RUVBL1: variants seen among roughly 807,000 people sequenced by gnomAD.
RUVBL1 encodes the protein ruvB-like 1.
Under a neutral mutation model 52.4 loss-of-function variants are expected in RUVBL1, and 4 were observed. That is an observed-to-expected ratio of 0.08 (90% CI 0.04 to 0.17). RUVBL1 has a LOEUF of 0.17. RUVBL1 is among the 10% of genes least tolerant of loss of function. RUVBL1 has a pLI of 1.00. For missense variants in RUVBL1, 298 were observed against 572.8 expected (o/e 0.52, Z 4.90); for synonymous variants, 217 against 214.4 (o/e 1.01, Z -0.10).
intron 9 of RUVBL1, chr3:128,071,261 C>A (rs1942159454): frequency 6.6e-6 from 1 of 152,520 alleles, no homozygotes; most frequent in Non-Finnish European, 1.5e-5. Context: ...GGGCTTACCA[C>A]CCTATCACAC....
In RUVBL1 at chr3:128,153,143, A is replaced by T; in HGVS notation, c.-40+60T>A. 4 of 962,684 alleles carry T rather than the reference A, an allele frequency of 4.2e-6. No individual in the cohort carries two copies. The South Asian group carries it at 1.2e-4, about 29-fold the overall frequency. The allele number at this position is 962,684 out of a possible 1,614,324, so 59.6% of individuals were successfully genotyped here. A position where few individuals can be genotyped will look rare whatever the true frequency, so the allele number is the denominator to read the frequency against. On this transcript the variant is annotated intron_variant, in intron 1 of 9. Transcript: ENST00000464873. Reference sequence around the variant, plus strand: ...GATTGGTGCGTTTTACAGAGCGCTGATTGGTGCATTTTACAATCCTCTTGA... The same window carrying T: ...GATTGGTGCGTTTTACAGAGCGCTGTTTGGTGCATTTTACAATCCTCTTGA...
intron 9 of RUVBL1, among the ~76,000 whole-genome samples, chr3:128,066,129 G>C (rs1216132490): frequency 6.6e-6 from 1 of 152,092 alleles, no homozygotes; most frequent in Non-Finnish European, 1.5e-5. Flanking sequence ...CTAGTCTCCA[G>C]GGGTTTCAGA....
chr3:128,100,481 G>A (rs757108095), intron 6 of RUVBL1, 114 bp downstream of exon 6: 6 of 1,292,764 alleles, frequency 4.6e-6, no homozygotes, highest in Non-Finnish European at 6.3e-6. Flanking sequence ...ATTACAGATA[G>A]AAAAGGACCG....
At chr3:128,126,201 TTGTGTGTGTGTG>T (rs10576695), upstream of RUVBL1, among the ~76,000 whole-genome samples, 20,685 of 147,562 alleles carry the variant, frequency 0.14, 1,612 homozygotes, top group African/African-American at 0.21. Flanking sequence ...AGTTGTTCCT[TTGTGTGTGTGTG>T]TGTGTGTGTG....
chr3:128,086,131 G>A (rs1942639079), intron 9 of RUVBL1, among the ~76,000 whole-genome samples: 1 of 151,966 alleles, frequency 6.6e-6, no homozygotes, highest in Non-Finnish European at 1.5e-5. Context: ...CAAGTAGCTG[G>A]GACTACAGGC....
At chr3:128,153,320 C>G (rs1944283623) in exon 1 of RUVBL1, 9 of 1,371,900 alleles carry the variant, frequency 6.6e-6, no homozygotes, top group Admixed American at 3.8e-5. Flanking sequence ...CCTCCAGTTC[C>G]TAGACCACCC....
chr3:128,094,577 G>A (rs1942926212), intron 8 of RUVBL1, among the ~76,000 whole-genome samples: 1 of 152,182 alleles, frequency 6.6e-6, no homozygotes, highest in Non-Finnish European at 1.5e-5. Flanking sequence ...AGGTTCCAGT[G>A]GCAACACTTT....
chr3:128,077,018 G>A (rs1254539499), downstream of RUVBL1, among the ~76,000 whole-genome samples: 1 of 151,516 alleles, frequency 6.6e-6, no homozygotes, highest in Non-Finnish European at 1.5e-5. Flanking sequence ...GCGCCCATCG[G>A]CCCATCTTAT....
rs1238513079 is a variant in RUVBL1 at position 128,082,468 on chromosome 3, A to C, written c.1211+15T>G. On this transcript the variant is annotated intron_variant, in intron 10 of 10. Transcript: ENST00000322623. The surrounding 1 kb of genome is among the most constrained non-coding windows in gnomAD (Gnocchi z 4.7). ...GTGCTGGGGAGGCCCCGGCGGGCCC[A>C]GGGTACCAGCTCACCTCAGTGTGGT... The C allele has an allele frequency of 6.2e-7, 1 of 1,608,288 alleles. No homozygotes were observed. The highest frequency in any genetic ancestry group is 1.8e-4 in the Middle Eastern group (1 of 5,528).
At chr3:128,116,853 T>A (rs1275205425) in intron 2 of RUVBL1, among the ~76,000 whole-genome samples, 3 of 152,208 alleles carry the variant, frequency 2.0e-5, no homozygotes, top group Non-Finnish European at 4.4e-5. Flanking sequence ...GACACCATTC[T>A]CTCCCTGGCT....
chr3:128,152,633 C>G (rs1944239791), intron 1 of RUVBL1, among the ~76,000 whole-genome samples: 1 of 152,152 alleles, frequency 6.6e-6, no homozygotes, highest in Non-Finnish European at 1.5e-5. Context: ...TAAGATCTTG[C>G]TGAAATGTAT....
rs578008114 is a variant in RUVBL1, at chr3:128,135,294, A to G, written c.-39-15880T>C. Among the ~76,000 whole-genome samples the G allele has an allele frequency of 8.5e-5, 13 of 152,370 alleles. No homozygotes were observed. The East Asian group carries it at 2.1e-3, about 25-fold the overall frequency. ...ATGCCTGTAATCCCAGCACTTTGGG[A>G]GGCCGAGGCGGGTGGATCACCTGAT... On this transcript the variant is annotated intron_variant, in intron 1 of 9. Coordinates refer to the RUVBL1 transcript ENST00000464873.
chr3:128,077,458 G>A (rs1188072830), downstream of RUVBL1, among the ~76,000 whole-genome samples: 1 of 152,244 alleles, frequency 6.6e-6, no homozygotes, highest in African/African-American at 2.4e-5. Context: ...CACGGATGAA[G>A]GGGGTGAACA....
At chr3:128,142,177 C>A (rs145677922) in intron 1 of RUVBL1, among the ~76,000 whole-genome samples, 7 of 152,334 alleles carry the variant, frequency 4.6e-5, no homozygotes, top group Non-Finnish European at 7.3e-5. Flanking sequence ...AACCTGGCCA[C>A]ATCCGCTGAC....
At chr3:128,104,285 C>A (rs1397712413) in intron 4 of RUVBL1, among the ~76,000 whole-genome samples, 2 of 152,208 alleles carry the variant, frequency 1.3e-5, no homozygotes, top group Non-Finnish European at 2.9e-5. Flanking sequence ...ACTGAAGCGA[C>A]CACAGGTTCC....
At chr3:128,120,805 A>G in intron 1 of RUVBL1, among the ~76,000 whole-genome samples, 1 of 151,982 alleles carries the variant, frequency 6.6e-6, no homozygotes, top group Non-Finnish European at 1.5e-5. Context: ...TATTTTTAGT[A>G]GAGAAGGGGT....
In RUVBL1 at chr3:128,082,337, G is replaced by C; in HGVS notation, c.1211+146C>G. The C allele has an allele frequency of 1.6e-6, 1 of 624,626 alleles. No homozygotes were observed. Among genetic ancestry groups the C allele is most frequent in the Non-Finnish European group, 2.8e-6 (1 of 351,156 alleles). The allele number at this position is 624,626 out of a possible 1,614,324, so 38.7% of individuals were successfully genotyped here. A position where few individuals can be genotyped will look rare whatever the true frequency, so the allele number is the denominator to read the frequency against. ...TAGATCCTCTGCATTTGAAACTCAAGTGCCCTGGCACCCATCGCGCCAGGA... is the reference window on the plus strand; with the variant it reads ...TAGATCCTCTGCATTTGAAACTCAACTGCCCTGGCACCCATCGCGCCAGGA... On this transcript the variant is annotated intron_variant, in intron 10 of 10. Transcript: ENST00000322623. The surrounding 1 kb of genome is among the most constrained non-coding windows in gnomAD (Gnocchi z 4.7).
downstream of RUVBL1, among the ~76,000 whole-genome samples, chr3:128,079,977 G>A (rs1416222301): frequency 2.0e-5 from 3 of 152,182 alleles, no homozygotes; most frequent in Admixed American, 1.3e-4. Context: ...CGGGTACTTA[G>A]CCCCACCTCA....
chr3:128,097,198 C>G (rs943103666), intron 8 of RUVBL1, 102 bp downstream of exon 8: 2 of 1,180,562 alleles, frequency 1.7e-6, no homozygotes, highest in Non-Finnish European at 2.4e-6. Flanking sequence ...ATGACCTCCC[C>G]TCATCCCTGT....
Sources: gnomAD v4.1 joint callset for allele counts (sites outside exome capture counted in the v4.1 genomes callset) on GRCh38, gnomAD v4.1.1 for gene constraint, Gnocchi (gnomAD v3.1) non-coding constraint, MANE v1.5 for transcripts, NCBI Gene and HGNC (gene_info 2026-07-23, HGNC 2026-07-21) for gene names.